The following NHERF1 variants were observed in gnomAD, a reference collection of about 807,000 sequenced individuals.
NHERF1 encodes the protein Na(+)/H(+) exchange regulatory cofactor NHE-RF1.
the NHERF1 span, among the ~76,000 whole-genome samples, chr17:74,760,097 T>C: frequency 1.3e-5 from 2 of 152,184 alleles, no homozygotes; most frequent in African/African-American, 2.4e-5. This position sits in a 1 kb window ranked among gnomAD's most constrained non-coding sequence, Gnocchi z 4.5. Flanking sequence ...CTGGTCAGAC[T>C]TGTTTCTGCT....
At chr17:74,759,219 A>T in the NHERF1 span, among the ~76,000 whole-genome samples, 1 of 152,192 alleles carries the variant, frequency 6.6e-6, no homozygotes, top group Non-Finnish European at 1.5e-5. Flanking sequence ...GCCGCCACAG[A>T]GCCACATCTA....
the NHERF1 span, among the ~76,000 whole-genome samples, chr17:74,753,917 G>A: frequency 3.3e-5 from 5 of 152,270 alleles, no homozygotes; most frequent in East Asian, 1.9e-4. Flanking sequence ...TTGGGAGGCC[G>A]AGGCGGGTGG....
At chr17:74,758,068 G>A in the NHERF1 span, among the ~76,000 whole-genome samples, 1 of 152,154 alleles carries the variant, frequency 6.6e-6, no homozygotes, top group African/African-American at 2.4e-5. This position sits in a 1 kb window ranked among gnomAD's most constrained non-coding sequence, Gnocchi z 4.3. Context: ...GCCCAATGGG[G>A]CGTTGGCCCC....
At chr17:74,765,791 A>G in the NHERF1 span, among the ~76,000 whole-genome samples, 2 of 151,988 alleles carry the variant, frequency 1.3e-5, no homozygotes, top group African/African-American at 4.8e-5. Flanking sequence ...ACCTCAGGTG[A>G]TCCGCCTGCC....
the NHERF1 span, among the ~76,000 whole-genome samples, chr17:74,761,175 T>C: frequency 2.0e-5 from 3 of 152,180 alleles, no homozygotes; most frequent in African/African-American, 7.2e-5. This position sits in a 1 kb window ranked among gnomAD's most constrained non-coding sequence, Gnocchi z 4.3. Flanking sequence ...TGTGCCCTTT[T>C]AGTAGGTCAC....
chr17:74,768,156 C>A, the NHERF1 span: 1 of 1,609,532 alleles, frequency 6.2e-7, no homozygotes, highest in South Asian at 1.1e-5. Context: ...GGAGAACAGT[C>A]GTGAAGCCCT....
At chr17:74,750,833 G>A in the NHERF1 span, among the ~76,000 whole-genome samples, 1 of 123,976 alleles carries the variant, frequency 8.1e-6, no homozygotes, top group African/African-American at 3.2e-5. Context: ...TGGTTATGCT[G>A]CTGGGTGCCA....
At chr17:74,762,019 T>A in the NHERF1 span, 1 of 1,613,890 alleles carries the variant, frequency 6.2e-7, no homozygotes, top group African/African-American at 1.3e-5. This position sits in a 1 kb window ranked among gnomAD's most constrained non-coding sequence, Gnocchi z 4.2. Flanking sequence ...CAGCGCGAGC[T>A]TCGGCCTCGG....
At chr17:74,761,155 G>A in the NHERF1 span, among the ~76,000 whole-genome samples, 3 of 152,176 alleles carry the variant, frequency 2.0e-5, no homozygotes, top group Non-Finnish European at 4.4e-5. This position sits in a 1 kb window ranked among gnomAD's most constrained non-coding sequence, Gnocchi z 4.3. Flanking sequence ...CCAAGCACTC[G>A]AAATCTGCGT....
At chr17:74,756,128 T>C in the NHERF1 span, among the ~76,000 whole-genome samples, 6 of 151,236 alleles carry the variant, frequency 4.0e-5, no homozygotes, top group Non-Finnish European at 8.8e-5. Flanking sequence ...TTTTCTTTTT[T>C]AGTAGAGATA....
chr17:74,755,942 C>A, the NHERF1 span, among the ~76,000 whole-genome samples: 1 of 150,540 alleles, frequency 6.6e-6, no homozygotes, highest in Admixed American at 6.6e-5. Flanking sequence ...ATATTCAATT[C>A]TACTATTTTT....
At chr17:74,767,900 C>T in the NHERF1 span, 6 of 623,406 alleles carry the variant, frequency 9.6e-6, no homozygotes, top group African/African-American at 1.1e-4. Flanking sequence ...TTCAGCTAAT[C>T]CCATGATGGT....
At chr17:74,756,623 C>T in the NHERF1 span, among the ~76,000 whole-genome samples, 2 of 152,098 alleles carry the variant, frequency 1.3e-5, no homozygotes, top group Non-Finnish European at 2.9e-5. Context: ...TCTTACATTC[C>T]ACACATGGCT....
the NHERF1 span, among the ~76,000 whole-genome samples, chr17:74,763,831 C>T: frequency 6.6e-6 from 1 of 152,342 alleles, no homozygotes; most frequent in East Asian, 1.9e-4. Flanking sequence ...AGCCCCCAGT[C>T]CTGTCCCCAC....
At chr17:74,763,129 C>T in the NHERF1 span, 3 of 490,244 alleles carry the variant, frequency 6.1e-6, no homozygotes, top group African/African-American at 1.9e-5. Context: ...TGTTTAGTCT[C>T]GTCTGGATAT....
At chr17:74,768,971 C>G in the NHERF1 span, 1 of 412,464 alleles carries the variant, frequency 2.4e-6, no homozygotes, top group Non-Finnish European at 4.5e-6. Flanking sequence ...TGGGACCAGG[C>G]GAGAGGGCAC....
the NHERF1 span, among the ~76,000 whole-genome samples, chr17:74,759,034 G>A: frequency 6.6e-6 from 1 of 152,198 alleles, no homozygotes; most frequent in Admixed American, 6.5e-5. Context: ...GAGGGGTGAG[G>A]AGGAACAAGG....
chr17:74,767,880 G>C, the NHERF1 span: 1 of 563,490 alleles, frequency 1.8e-6, no homozygotes, highest in Non-Finnish European at 3.3e-6. Context: ...GGCCCAGGGA[G>C]AGGGAGCGGT....
chr17:74,749,282 G>C, the NHERF1 span: 1 of 1,528,932 alleles, frequency 6.5e-7, no homozygotes, highest in East Asian at 2.5e-5. This position sits in a 1 kb window ranked among gnomAD's most constrained non-coding sequence, Gnocchi z 5.6. Flanking sequence ...GAGCCACCCG[G>C]AGCAGGTAAG....
Sources: gnomAD v4.1 joint callset for allele counts (sites outside exome capture counted in the v4.1 genomes callset) on GRCh38, gnomAD v4.1.1 for gene constraint, Gnocchi (gnomAD v3.1) non-coding constraint, MANE v1.5 for transcripts, NCBI Gene and HGNC (gene_info 2026-07-23, HGNC 2026-07-21) for gene names.